Variants in RGP1 observed in about 807,000 individuals in gnomAD.
RGP1 encodes RGP1 partner of RAB6A GEF complex.
Under a neutral mutation model 44.5 loss-of-function variants are expected in RGP1, and 28 were observed. The ratio of observed to expected loss-of-function variants is 0.63; its 90% CI spans 0.47 to 0.86. The LOEUF (loss-of-function observed/expected upper bound fraction) is 0.86. RGP1 is among the 40% of genes least tolerant of loss of function. The probability of loss-of-function intolerance (pLI) is 0.00; values close to 1 mark genes in which losing one functional copy is unlikely to be tolerated. For missense variants in RGP1, 417 were observed against 490.7 expected, an observed-to-expected ratio of 0.85 and a Z score of 1.42; for synonymous variants, 212 against 196.7, an observed-to-expected ratio of 1.08 and a Z score of -0.65.
chr9:35,790,389 T>A, the RGP1 span: 2 of 153,780 alleles, frequency 1.3e-5, no homozygotes, highest in Admixed American at 1.3e-4. Context: ...GTACAGCTTG[T>A]GCTAGGCAGC....
At chr9:35,767,577 A>G in the RGP1 span, among the ~76,000 whole-genome samples, 4 of 152,204 alleles carry the variant, frequency 2.6e-5, no homozygotes, top group Non-Finnish European at 5.9e-5. Flanking sequence ...CTAGTCTTGG[A>G]TGATGAGTAG....
At chr9:35,785,243 G>C in the RGP1 span, among the ~76,000 whole-genome samples, 7 of 152,250 alleles carry the variant, frequency 4.6e-5, no homozygotes, top group Admixed American at 2.6e-4. Context: ...TCTGGAGATG[G>C]ATTCCCTTAA....
downstream of RGP1, among the ~76,000 whole-genome samples, chr9:35,762,300 G>C (rs146556850): frequency 3.7e-4 from 57 of 152,270 alleles, no homozygotes; most frequent in African/African-American, 1.4e-3. Flanking sequence ...CCAGAAGATA[G>C]ATTAAGAACT....
At chr9:35,781,748 A>G in the RGP1 span, among the ~76,000 whole-genome samples, 1 of 151,972 alleles carries the variant, frequency 6.6e-6, no homozygotes, top group Admixed American at 6.6e-5. Context: ...ATATATATAT[A>G]AATACATCTG....
At chr9:35,770,483 T>G in the RGP1 span, among the ~76,000 whole-genome samples, 1 of 134,622 alleles carries the variant, frequency 7.4e-6, no homozygotes, top group Admixed American at 7.9e-5. Flanking sequence ...TGGGCATAGG[T>G]ATTACCATGG....
At position 35,755,016 on chromosome 9, in the gene RGP1, A is replaced by T. The variant is rs1827337033; in HGVS notation, c.*2142A>T. The T allele has an allele frequency of 6.6e-6, 1 of 152,094 alleles. No individual in the cohort carries two copies. Among genetic ancestry groups the T allele is most frequent in the South Asian group, 2.1e-4 (1 of 4,826 alleles). 9.4% of individuals were successfully genotyped at this position (152,094 alleles called of 1,614,324 possible). ...CTCTCTTTCCTCCCATATATAATGG[A>T]GTGAGGTTTTTAGGAATTTATCATT... On this transcript the variant is annotated 3_prime_UTR_variant, in exon 9 of 9. Coordinates refer to ENST00000378078, the MANE Select transcript of RGP1 (RefSeq NM_001080496.3).
chr9:35,782,259 C>A, the RGP1 span, among the ~76,000 whole-genome samples: 1 of 151,908 alleles, frequency 6.6e-6, no homozygotes, highest in Admixed American at 6.6e-5. Context: ...AGTAAAGGTG[C>A]CGTTAGAAAA....
At chr9:35,771,840 A>G in the RGP1 span, among the ~76,000 whole-genome samples, 1 of 152,250 alleles carries the variant, frequency 6.6e-6, no homozygotes, top group Non-Finnish European at 1.5e-5. Context: ...CCGTTTGCCA[A>G]TTATTGCATT....
At chr9:35,784,869 G>A in the RGP1 span, among the ~76,000 whole-genome samples, 5 of 151,946 alleles carry the variant, frequency 3.3e-5, no homozygotes, top group East Asian at 1.9e-4. Flanking sequence ...TTAGTCTTCC[G>A]AGTAGCTGAA....
chr9:35,753,174 C>T lies in RGP1; in HGVS notation c.*300C>T, dbSNP rs752735628. On this transcript the variant is annotated 3_prime_UTR_variant, in exon 9 of 9. Coordinates refer to ENST00000378078, the MANE Select transcript of RGP1 (RefSeq NM_001080496.3). This position sits in a 1 kb window ranked among gnomAD's most constrained non-coding sequence, Gnocchi z 4.2. ...CCCCATTCTGGGTCAGGCCCTCCCC[C>T]TTTGCAGGGCAGCCGAGGGTCAGAT... is the stretch of plus-strand genomic sequence containing the variant. 6.2e-7 allele frequency: 1 copy of T among 1,614,188 alleles called. No homozygotes were observed. The highest frequency in any genetic ancestry group is 1.1e-5 in the South Asian group (1 of 91,090).
At chr9:35,751,821 G>GTA (rs1221702061) in intron 7 of RGP1, 67 bp downstream of exon 7, 1 of 1,604,884 alleles carries the variant, frequency 6.2e-7, no homozygotes, top group East Asian at 2.2e-5. Flanking sequence ...TGGAAGGCCT[G>GTA]TATAAAGAGG....
rs568459116 is a variant in RGP1 at position 35,752,524 on chromosome 9, G to T, written c.953-127G>T. Reference sequence around the variant, plus strand: ...GAAAAACCCTTAATCACAGCTCCCTGCCCTGTGACTTTTCCCTGTCTTCCT... The same window carrying T: ...GAAAAACCCTTAATCACAGCTCCCTTCCCTGTGACTTTTCCCTGTCTTCCT... On this transcript the variant is annotated intron_variant, in intron 8 of 8. Transcript: ENST00000378078. 5 of 839,990 alleles carry T rather than the reference G, an allele frequency of 6.0e-6. No homozygotes were observed. In the South Asian group the frequency reaches 8.3e-5, roughly 14 times the overall value. The allele number at this position is 839,990 out of a possible 1,614,324, so 52.0% of individuals were successfully genotyped here. A position where few individuals can be genotyped will look rare whatever the true frequency, so the allele number is the denominator to read the frequency against.
the RGP1 span, among the ~76,000 whole-genome samples, chr9:35,778,025 C>T: frequency 1.3e-5 from 2 of 152,170 alleles, no homozygotes; most frequent in Non-Finnish European, 2.9e-5. Flanking sequence ...ATGGGCCAGG[C>T]GCGGTGGCTC....
the RGP1 span, among the ~76,000 whole-genome samples, chr9:35,781,204 G>A: frequency 6.6e-6 from 1 of 151,972 alleles, no homozygotes; most frequent in African/African-American, 2.4e-5. Flanking sequence ...GACCCACTTA[G>A]AGGACTATAG....
chr9:35,786,119 C>T, the RGP1 span, among the ~76,000 whole-genome samples: 3 of 152,214 alleles, frequency 2.0e-5, no homozygotes, highest in Non-Finnish European at 2.9e-5. Flanking sequence ...CTAAGCAGAG[C>T]AGAAGATTAA....
the RGP1 span, among the ~76,000 whole-genome samples, chr9:35,774,580 C>T: frequency 1.3e-5 from 2 of 152,038 alleles, no homozygotes; most frequent in Non-Finnish European, 2.9e-5. Context: ...ACAAAATAGC[C>T]GGGCGTGTTG....
At chr9:35,771,492 A>G in the RGP1 span, among the ~76,000 whole-genome samples, 11 of 152,366 alleles carry the variant, frequency 7.2e-5, no homozygotes, top group Admixed American at 7.2e-4. Context: ...GCTGTCTTCT[A>G]ATTCCAAAAA....
Position 35,754,033 on chromosome 9 carries a change from C to T in RGP1, c.*1159C>T. The T allele has an allele frequency of 6.2e-7, 1 of 1,613,828 alleles. No individual in the cohort carries two copies. On this transcript the variant is annotated 3_prime_UTR_variant, in exon 9 of 9. Coordinates refer to ENST00000378078, the MANE Select transcript of RGP1 (RefSeq NM_001080496.3). ...TGGAAGTAGCACTTGCTGTAGACTC[C>T]TGGGTGCTGGAGGAGTAGAGACATC...
chr9:35,783,061 G>A, the RGP1 span, among the ~76,000 whole-genome samples: 41 of 151,932 alleles, frequency 2.7e-4, no homozygotes, highest in African/African-American at 6.0e-4. Flanking sequence ...CACCCACCTC[G>A]GCCTCCCAAA....
Sources: allele counts gnomAD v4.1 joint callset (sites outside exome capture counted in the v4.1 genomes callset), GRCh38; gene constraint gnomAD v4.1.1; non-coding constraint Gnocchi (gnomAD v3.1); transcripts MANE v1.5; gene names NCBI Gene and HGNC (gene_info 2026-07-23, HGNC 2026-07-21).